The following AK5 variants were observed in gnomAD, a reference collection of about 807,000 sequenced individuals.
AK5 encodes the protein adenylate kinase isoenzyme 5.
In AK5, 27 loss-of-function variants were observed where a neutral mutation model predicts 69.5. The observed-to-expected ratio is 0.39, with a 90% confidence interval of 0.29 to 0.54. AK5 has a LOEUF of 0.54. Ranked by LOEUF, AK5 falls within the 20% of genes least tolerant of loss-of-function variation. The pLI is 0.71. For missense variants in AK5, 531 were observed against 700.4 expected, an observed-to-expected ratio of 0.76 and a Z score of 2.73; for synonymous variants, 260 against 244.4, an observed-to-expected ratio of 1.06 and a Z score of -0.60.
intron 8 of AK5, among the ~76,000 whole-genome samples, chr1:77,473,977 T>C (rs1570208435): frequency 6.6e-6 from 1 of 151,224 alleles, no homozygotes; most frequent in East Asian, 1.9e-4. Context: ...GGAGGGGAGG[T>C]GTAAGAAGGG....
chr1:77,373,149 T>C (rs1647152388), intron 6 of AK5, among the ~76,000 whole-genome samples: 1 of 152,214 alleles, frequency 6.6e-6, no homozygotes, highest in Admixed American at 6.5e-5. Context: ...CCGTTTATAC[T>C]CCCACCAGTT....
intron 5 of AK5, among the ~76,000 whole-genome samples, chr1:77,331,556 A>T (rs373167716): frequency 2.6e-5 from 4 of 152,278 alleles, no homozygotes; most frequent in Admixed American, 2.6e-4. Flanking sequence ...TTTTTCACCC[A>T]CAGGTTAAAT....
intron 12 of AK5, among the ~76,000 whole-genome samples, chr1:77,533,509 C>CAAAAAAAAAAAAAAAAAAAAAAAA (rs10526328): frequency 1.1e-5 from 1 of 94,972 alleles, no homozygotes; most frequent in African/African-American, 5.0e-5. Context: ...ACTCTGTCAC[C>CAAAAAAAAAAAAAAAAAAAAAAAA]AAAAAAAAAA....
chr1:77,457,525 A>G (rs764607517), intron 8 of AK5, among the ~76,000 whole-genome samples: 5 of 152,056 alleles, frequency 3.3e-5, no homozygotes, highest in Non-Finnish European at 7.4e-5. Flanking sequence ...TTCAGCTATC[A>G]TAGTTTTAAT....
intron 5 of AK5, among the ~76,000 whole-genome samples, chr1:77,324,355 C>G (rs1022580049): frequency 2.9e-5 from 4 of 135,980 alleles, no homozygotes; most frequent in African/African-American, 1.1e-4. Flanking sequence ...GTGTGTGTGT[C>G]TTACTCATGG....
At chr1:77,423,649 G>A (rs1651001089) in intron 8 of AK5, among the ~76,000 whole-genome samples, 1 of 151,878 alleles carries the variant, frequency 6.6e-6, no homozygotes, top group African/African-American at 2.4e-5. Flanking sequence ...TACCAGGGCT[G>A]GAAACACTGA....
At chr1:77,294,842 A>G (rs947899719) in intron 3 of AK5, among the ~76,000 whole-genome samples, 5 of 152,080 alleles carry the variant, frequency 3.3e-5, no homozygotes, top group Non-Finnish European at 5.9e-5. Flanking sequence ...AGCCTGGTCA[A>G]CATAGTGAGA....
At chr1:77,318,041 G>A (rs184670661) in intron 5 of AK5, among the ~76,000 whole-genome samples, 90 of 152,332 alleles carry the variant, frequency 5.9e-4, no homozygotes, top group African/African-American at 2.1e-3. Context: ...GTGAAGCACT[G>A]AAATTGGAGC....
intron 10 of AK5, among the ~76,000 whole-genome samples, chr1:77,498,510 C>T (rs1162659190): frequency 1.3e-5 from 2 of 152,238 alleles, no homozygotes; most frequent in African/African-American, 4.8e-5. Flanking sequence ...ATGTCGGCTC[C>T]TACATGTACA....
intron 13 of AK5, among the ~76,000 whole-genome samples, chr1:77,558,316 G>A (rs1660226498): frequency 2.0e-5 from 3 of 152,200 alleles, no homozygotes; most frequent in Admixed American, 1.3e-4. Flanking sequence ...GTTCCCACAA[G>A]CAATGAGTGA....
chr1:77,405,687 G>A (rs1253706574), intron 6 of AK5, among the ~76,000 whole-genome samples: 2 of 152,120 alleles, frequency 1.3e-5, no homozygotes, highest in Non-Finnish European at 2.9e-5. Flanking sequence ...ACCAAGAAGT[G>A]GAGGGATCCA....
At chr1:77,489,412 A>G (rs1229738060) in intron 10 of AK5, among the ~76,000 whole-genome samples, 2 of 152,360 alleles carry the variant, frequency 1.3e-5, no homozygotes, top group Admixed American at 6.5e-5. Context: ...CTTCTACTGT[A>G]CATACTGAAC....
chr1:77,417,615 T>G lies in AK5; in HGVS notation c.983-24T>G, dbSNP rs372897782. The G allele has an allele frequency of 7.3e-6, 11 of 1,501,542 alleles. No homozygotes were observed. The African/African-American group carries it at 1.4e-4, about 19-fold the overall frequency. The allele number at this position is 1,501,542 out of a possible 1,614,324, so 93.0% of individuals were successfully genotyped here. On this transcript the variant is annotated intron_variant, in intron 7 of 13. Coordinates refer to ENST00000354567, the MANE Select transcript of AK5 (RefSeq NM_174858.3). ...ACATACATAGACAACCTCCATCCAC[T>G]TATCTTTTCTTTCCTAATCTTAGGT...
chr1:77,470,501 A>G lies in AK5; in HGVS notation c.1060-12816A>G, dbSNP rs150699127. ...GCCTGGATGACAGAGTGAGACCCTG[A>G]CTCAAATAATAATAATATTAGTAAC... On this transcript the variant is annotated intron_variant, in intron 8 of 13. Transcript: ENST00000354567. 1.7e-4 allele frequency among the ~76,000 whole-genome samples: 26 copies of G among 152,076 alleles called. No individual in the cohort carries two copies. In the East Asian group the frequency reaches 4.8e-3, roughly 28 times the overall value.
intron 6 of AK5, among the ~76,000 whole-genome samples, chr1:77,362,354 T>G (rs1646879546): frequency 6.6e-6 from 1 of 152,172 alleles, no homozygotes; most frequent in African/African-American, 2.4e-5. Context: ...CTTCCTCAAT[T>G]GTAGTTCAAT....
intron 8 of AK5, among the ~76,000 whole-genome samples, chr1:77,460,173 C>T (rs1422359314): frequency 6.6e-6 from 1 of 152,170 alleles, no homozygotes; most frequent in Admixed American, 6.5e-5. Flanking sequence ...TGTGTCCAAT[C>T]AATGCTGATA....
chr1:77,490,332 C>T (rs964417056), intron 10 of AK5, among the ~76,000 whole-genome samples: 1 of 152,128 alleles, frequency 6.6e-6, no homozygotes, highest in Non-Finnish European at 1.5e-5. Context: ...ATTTGCAGGG[C>T]AGTAGTCACA....
chr1:77,284,233 G>T (rs1658223001), intron 1 of AK5, among the ~76,000 whole-genome samples: 1 of 152,200 alleles, frequency 6.6e-6, no homozygotes, highest in Non-Finnish European at 1.5e-5. Context: ...GCTATGCGCA[G>T]CTCAAGAGGG....
chr1:77,367,140 A>T (rs558900024), intron 6 of AK5, among the ~76,000 whole-genome samples: 2 of 152,046 alleles, frequency 1.3e-5, no homozygotes, highest in South Asian at 2.1e-4. Flanking sequence ...TTATACATGC[A>T]TCCTTAAGGA....
Sources: gnomAD v4.1 joint callset for allele counts (sites outside exome capture counted in the v4.1 genomes callset) on GRCh38, gnomAD v4.1.1 for gene constraint, MANE v1.5 for transcripts, NCBI Gene and HGNC (gene_info 2026-07-23, HGNC 2026-07-21) for gene names.